LRRC37B: variants seen among roughly 807,000 people sequenced by gnomAD.
LRRC37B encodes leucine-rich repeat-containing protein 37B.
Under a neutral mutation model 98.3 loss-of-function variants are expected in LRRC37B, and 28 were observed. That is an observed-to-expected ratio of 0.28 (90% CI 0.21 to 0.39). The LOEUF (loss-of-function observed/expected upper bound fraction) is 0.39. LRRC37B is among the 10% of genes least tolerant of loss of function. The probability of loss-of-function intolerance (pLI) is 1.00; values close to 1 mark genes in which losing one functional copy is unlikely to be tolerated. For missense variants in LRRC37B, 938 were observed against 1,182.7 expected, an observed-to-expected ratio of 0.79 and a Z score of 3.03; for synonymous variants, 364 against 442.7, an observed-to-expected ratio of 0.82 and a Z score of 2.23.
intron 11 of LRRC37B, chr17:32,052,980 T>C (rs1008133806): frequency 7.3e-6 from 2 of 272,314 alleles, no homozygotes; most frequent in African/African-American, 2.5e-5. Context: ...TGGGGGGGGG[T>C]GTGTTGGTTA....
chr17:32,028,138 A>G (rs1391434747), intron 3 of LRRC37B, among the ~76,000 whole-genome samples: 1 of 60,792 alleles, frequency 1.6e-5, no homozygotes, highest in Non-Finnish European at 3.5e-5. Flanking sequence ...TCTTCTATTC[A>G]GTCTACAGCC....
chr17:32,007,426 G>A (rs1003861603), upstream of LRRC37B, among the ~76,000 whole-genome samples: 5 of 152,160 alleles, frequency 3.3e-5, no homozygotes, highest in African/African-American at 1.2e-4. This position sits in a 1 kb window ranked among gnomAD's most constrained non-coding sequence, Gnocchi z 4.1. Flanking sequence ...GCGGTTGAAG[G>A]CGATCTTGAG....
In LRRC37B at chr17:32,049,404, A is replaced by G. The variant is rs1435307427; in HGVS notation, c.2757+10A>G. 3 of 1,603,692 alleles carry G rather than the reference A, an allele frequency of 1.9e-6. No homozygotes were observed. In the South Asian group the frequency reaches 3.3e-5, roughly 18 times the overall value. On this transcript the variant is annotated intron_variant, in intron 10 of 11. Coordinates refer to ENST00000327564, the Ensembl canonical transcript of LRRC37B. ...GCAGAAGTCAAGTGAGGTGAGGACC[A>G]CACAGAAACATGAGACCCAGATTTC...
intron 7 of LRRC37B, among the ~76,000 whole-genome samples, chr17:32,038,284 C>T (rs1911310085): frequency 6.6e-6 from 1 of 151,916 alleles, no homozygotes; most frequent in East Asian, 1.9e-4. Context: ...TATGGTGAAA[C>T]CTTGTCTCTA....
chr17:32,040,740 A>G (rs1911401105), intron 7 of LRRC37B: 1 of 796,612 alleles, frequency 1.3e-6, no homozygotes, highest in Non-Finnish European at 2.3e-6. Context: ...GGAGCTGGGC[A>G]ACGAGTCCAA....
chr17:32,011,824 T>C (rs376425750), intron 1 of LRRC37B, among the ~76,000 whole-genome samples: 2 of 152,364 alleles, frequency 1.3e-5, no homozygotes, highest in South Asian at 2.1e-4. Context: ...AAACATATCT[T>C]AGAATTTGTG....
At chr17:32,046,199 T>G (rs1316295416) in intron 8 of LRRC37B, among the ~76,000 whole-genome samples, 1 of 152,282 alleles carries the variant, frequency 6.6e-6, no homozygotes, top group Non-Finnish European at 1.5e-5. Flanking sequence ...AAGTACTCTC[T>G]GCCTTTTAGG....
chr17:32,020,883 A>G (rs1276195204), upstream of LRRC37B: 9 of 804,506 alleles, frequency 1.1e-5, no homozygotes, highest in Non-Finnish European at 1.5e-5. Context: ...GAGTCCTGGG[A>G]CCACCCCGGT....
At chr17:32,020,732 G>T, upstream of LRRC37B, 1 of 459,026 alleles carries the variant, frequency 2.2e-6, no homozygotes, top group Non-Finnish European at 3.4e-6. Context: ...AGTATTCTCG[G>T]ATTTCACCTC....
At chr17:32,046,268 G>T (rs1911576958) in intron 8 of LRRC37B, among the ~76,000 whole-genome samples, 1 of 152,232 alleles carries the variant, frequency 6.6e-6, no homozygotes, top group Non-Finnish European at 1.5e-5. Context: ...AAGAGTAGAA[G>T]TGATGCTGTT....
At chr17:32,030,227 T>A (rs1911074650) in intron 3 of LRRC37B, among the ~76,000 whole-genome samples, 1 of 152,144 alleles carries the variant, frequency 6.6e-6, no homozygotes, top group African/African-American at 2.4e-5. Context: ...TCAAATGCTG[T>A]TGAAAGGATG....
At chr17:32,022,544 C>G (rs1207023264) in exon 1 of LRRC37B, 1 of 1,613,730 alleles carries the variant, frequency 6.2e-7, no homozygotes, top group Non-Finnish European at 8.5e-7. Flanking sequence ...ATTCCACAGC[C>G]CTGGAGAAGA....
intron 3 of LRRC37B, among the ~76,000 whole-genome samples, chr17:32,029,798 G>C (rs1008183448): frequency 5.9e-5 from 9 of 152,334 alleles, no homozygotes; most frequent in Admixed American, 5.9e-4. Context: ...AGTGCTGTAA[G>C]ATGGATCTGC....
At chr17:32,047,900 G>A in exon 9 of LRRC37B, 5 of 1,614,144 alleles carry the variant, frequency 3.1e-6, no homozygotes, top group Non-Finnish European at 4.2e-6. Context: ...CAGGCTTTGG[G>A]GGTGAGCAGC....
chr17:32,027,351 G>A (rs1318679519), intron 2 of LRRC37B, among the ~76,000 whole-genome samples: 1 of 151,756 alleles, frequency 6.6e-6, no homozygotes, highest in African/African-American at 2.4e-5. Context: ...GTGCTTGCTT[G>A]TGTGTGTGTG....
At chr17:32,018,953 G>A (rs1910704645), upstream of LRRC37B, among the ~76,000 whole-genome samples, 1 of 152,124 alleles carries the variant, frequency 6.6e-6, no homozygotes, top group African/African-American at 2.4e-5. Context: ...TTGTTATGGA[G>A]TCTCACTCTG....
intron 5 of LRRC37B, among the ~76,000 whole-genome samples, chr17:32,033,805 C>T (rs533318194): frequency 6.6e-6 from 1 of 152,044 alleles, no homozygotes; most frequent in South Asian, 2.1e-4. Flanking sequence ...AAATAGATTC[C>T]AGCATTTTGG....
chr17:32,049,166 A>C, exon 10 of LRRC37B: 1 of 1,614,050 alleles, frequency 6.2e-7, no homozygotes, highest in Non-Finnish European at 8.5e-7. Context: ...AGGATGTGAG[A>C]AAGTTCATGT....
chr17:32,033,131 T>C (rs1406712767), intron 5 of LRRC37B, among the ~76,000 whole-genome samples: 2 of 152,124 alleles, frequency 1.3e-5, no homozygotes, highest in Non-Finnish European at 2.9e-5. Context: ...GCCATTGCAC[T>C]CAAGCCTGGG....
Sources: allele counts gnomAD v4.1 joint callset (sites outside exome capture counted in the v4.1 genomes callset), GRCh38; gene constraint gnomAD v4.1.1; non-coding constraint Gnocchi (gnomAD v3.1); transcripts MANE v1.5; gene names NCBI Gene and HGNC (gene_info 2026-07-23, HGNC 2026-07-21).